FRMPD3: variants seen among roughly 807,000 people sequenced by gnomAD.
FRMPD3 encodes FERM and PDZ domain-containing protein 3.
A neutral mutation model predicts 97.9 loss-of-function variants in FRMPD3; 42 were observed. The observed-to-expected ratio is 0.43, with a 90% CI of 0.34 to 0.55. The LOEUF (loss-of-function observed/expected upper bound fraction) is 0.55, where lower values mean the gene tolerates loss of function less well. Among genes scored for constraint, FRMPD3 ranks in the 20% least tolerant of loss-of-function variants. The pLI is 0.03. For missense variants in FRMPD3, 1,303 were observed against 1,457.7 expected, an observed-to-expected ratio of 0.89 and a Z score of 1.73; for synonymous variants, 577 against 581.1, an observed-to-expected ratio of 0.99 and a Z score of 0.10.
At chrX:107,595,619 G>A (rs1469530399) in intron 13 of FRMPD3, among the ~76,000 whole-genome samples, 2 of 111,110 alleles carry the variant, frequency 1.8e-5, no homozygotes, top group East Asian at 5.6e-4. Flanking sequence ...TTGATATTCT[G>A]CTTAGTTGTT....
rs376036356 is a variant in FRMPD3 at position 107,601,531 on chromosome X, C to T, written c.3492C>T (p.Ser1164=). 10 of 1,179,039 alleles carry T rather than the reference C, an allele frequency of 8.5e-6. 1 individual carries two copies. The highest frequency in any genetic ancestry group is 1.8e-5 in the African/African-American group (1 of 56,729). Residue 1164 remains serine (S), a synonymous_variant, in exon 15 of 15, where the codon AGC becomes AGT. Transcript: ENST00000683843. ...PSSQSRGQSP[S]CQPRGQSPLR... ...GCCAGTCTCGAGGTCAGAGCCCCAG[C>T]TGCCAACCTCGAGGCCAGAGCCCAC...
chrX:107,461,757 TTATACATATACATATACA>T (rs761470965), intron 1 of FRMPD3, among the ~76,000 whole-genome samples: 87 of 92,006 alleles, frequency 9.5e-4, no homozygotes, highest in African/African-American at 2.5e-3. Flanking sequence ...CTGGAATTCA[TTATACATATACATATACA>T]TATACATATA....
At position 107,597,844 on chromosome X, in the gene FRMPD3, GGAA is replaced by G; in HGVS notation, c.1968_1970del (p.Glu656del). 8.4e-6 allele frequency: 10 copies of G among 1,192,303 alleles called. No homozygotes were observed. The highest frequency in any genetic ancestry group is 1.1e-5 in the Non-Finnish European group (10 of 886,347). On this transcript the variant is annotated inframe_deletion, in exon 14 of 15. Transcript: ENST00000683843. ...CTGGGAGTGAGGAGGAGGAGGAGGA[GGAA>G]GATGAGACAACTTCTCTGTTGCCAG...
chrX:107,601,942 C>T lies in FRMPD3; in HGVS notation c.3903C>T (p.Cys1301=). The T allele has an allele frequency of 8.5e-7, 1 of 1,177,349 alleles. No individual in the cohort carries two copies. Among genetic ancestry groups the T allele is most frequent in the Non-Finnish European group, 1.1e-6 (1 of 879,865 alleles). ...GTGAGCAGAGGCGCAGCTGTGACTG[C>T]AAGCGCATCTGCCGGGGGGGCCGGC... is the stretch of plus-strand genomic sequence containing the variant. ...MSREQRRSCD[C]KRICRGGRPQ... is the part of the protein sequence containing the mutation. Residue 1301 remains cysteine (C), a synonymous_variant, in exon 15 of 15, where the codon TGC becomes TGT. Coordinates refer to ENST00000683843, the MANE Select transcript of FRMPD3 (RefSeq NM_001388459.1).
intron 1 of FRMPD3, among the ~76,000 whole-genome samples, chrX:107,453,151 G>A (rs1280670495): frequency 1.8e-5 from 2 of 111,182 alleles, no homozygotes; most frequent in Non-Finnish European, 3.8e-5. Context: ...TGTTTTTGTG[G>A]CACCTCCAGG....
At chrX:107,468,329 T>C (rs1931610600) in intron 1 of FRMPD3, among the ~76,000 whole-genome samples, 1 of 112,031 alleles carries the variant, frequency 8.9e-6, no homozygotes, top group South Asian at 3.8e-4. Flanking sequence ...GCAGGTGAAA[T>C]ATTTTTTTCA....
At chrX:107,599,159 G>A (rs1296485690) in intron 14 of FRMPD3, among the ~76,000 whole-genome samples, 3 of 110,245 alleles carry the variant, frequency 2.7e-5, no homozygotes, top group Non-Finnish European at 5.7e-5. Flanking sequence ...TGTAGTCTCA[G>A]CTACTCAGGA....
chrX:107,457,099 A>G (rs893580822), intron 1 of FRMPD3, among the ~76,000 whole-genome samples: 1 of 110,961 alleles, frequency 9.0e-6, no homozygotes, highest in African/African-American at 3.3e-5. Flanking sequence ...TTGAGCCTGC[A>G]TAACCAGGAG....
At chrX:107,563,378 G>T (rs1025958275) in intron 11 of FRMPD3, among the ~76,000 whole-genome samples, 178 bp downstream of exon 11, 6 of 111,959 alleles carry the variant, frequency 5.4e-5, no homozygotes, top group South Asian at 7.5e-4. Flanking sequence ...GGAGATATTT[G>T]TTTTGAGTAT....
chrX:107,554,729 C>T, intron 8 of FRMPD3: 1 of 372,678 alleles, frequency 2.7e-6, no homozygotes, highest in Non-Finnish European at 4.7e-6. Flanking sequence ...CCACTCAGAT[C>T]TCATCAGTTT....
At chrX:107,566,531 G>A (rs1922610677) in intron 12 of FRMPD3, among the ~76,000 whole-genome samples, 1 of 112,276 alleles carries the variant, frequency 8.9e-6, no homozygotes, top group Non-Finnish European at 1.9e-5. Context: ...AAGGCATGCA[G>A]GGGAGATGTG....
At chrX:107,554,647 A>ATCG in intron 8 of FRMPD3, 143 bp downstream of exon 8, 1 of 795,622 alleles carries the variant, frequency 1.3e-6, no homozygotes, top group Non-Finnish European at 1.8e-6. Flanking sequence ...TTCTGCTACC[A>ATCG]TCGTAGGCCA....
Position 107,469,024 on chromosome X carries a change from T to C in FRMPD3, c.-8+19019T>C, listed in dbSNP as rs187545376. Among the ~76,000 whole-genome samples, 5 of 112,343 alleles carry C rather than the reference T, an allele frequency of 4.5e-5. No homozygotes were observed. In the East Asian group the frequency reaches 1.4e-3, roughly 31 times the overall value. On this transcript the variant is annotated intron_variant, in intron 1 of 14. Transcript: ENST00000683843. ...GATATATGGGGAAACCAGGGGATTA[T>C]TGTAGCTACAGGTAGAAGTTATGTG...
chrX:107,578,936 TGAG>T (rs763944956), intron 13 of FRMPD3, among the ~76,000 whole-genome samples: 20 of 111,539 alleles, frequency 1.8e-4, no homozygotes, highest in Non-Finnish European at 3.2e-4. Context: ...AGGGCACAAC[TGAG>T]GAGACCTCAG....
intron 1 of FRMPD3, among the ~76,000 whole-genome samples, chrX:107,518,714 G>A (rs970163057): frequency 3.6e-5 from 4 of 112,055 alleles, no homozygotes; most frequent in Non-Finnish European, 5.6e-5. Flanking sequence ...ATTACCTTAC[G>A]ATTCAGCAGT....
chrX:107,557,437 T>C (rs921903686), intron 8 of FRMPD3, among the ~76,000 whole-genome samples: 6 of 110,835 alleles, frequency 5.4e-5, no homozygotes, highest in Admixed American at 4.8e-4. Context: ...CTAAACAACG[T>C]CTTTCACAGA....
At chrX:107,599,842 G>T (rs994370295) in intron 14 of FRMPD3, among the ~76,000 whole-genome samples, 7 of 110,296 alleles carry the variant, frequency 6.3e-5, no homozygotes. Flanking sequence ...TTCTCGCCAG[G>T]CCTGTCTGTT....
chrX:107,538,347 A>G (rs1219771925), intron 4 of FRMPD3, among the ~76,000 whole-genome samples: 3 of 109,320 alleles, frequency 2.7e-5, no homozygotes, highest in Admixed American at 2.0e-4. Flanking sequence ...AAGACCCCCA[A>G]TATGTGTTTA....
chrX:107,573,829 T>A (rs1002183325), intron 12 of FRMPD3, among the ~76,000 whole-genome samples: 3 of 112,548 alleles, frequency 2.7e-5, no homozygotes, highest in Non-Finnish European at 5.6e-5. Context: ...TAGCACCATA[T>A]GATTTCTGCA....
Sources: gnomAD v4.1 joint callset for allele counts (sites outside exome capture counted in the v4.1 genomes callset) on GRCh38, gnomAD v4.1.1 for gene constraint, MANE v1.5 for transcripts, NCBI Gene and HGNC (gene_info 2026-07-23, HGNC 2026-07-21) for gene names.